Variants in IKBKB-DT observed in about 807,000 individuals in gnomAD.
IKBKB-DT encodes IKBKB divergent transcript, also known as IKBKB antisense RNA.
chr8:42,256,217 G>C (rs1200020038), intron 3 of IKBKB-DT, among the ~76,000 whole-genome samples: 4 of 151,872 alleles, frequency 2.6e-5, no homozygotes, highest in African/African-American at 9.7e-5. Flanking sequence ...AAGAAAAAAA[G>C]AGAAAAGCCA....
chr8:42,249,443 G>GTA lies in IKBKB-DT; in HGVS notation n.1529+13884_1529+13885dup, dbSNP rs1554503071. The GTA allele has an allele frequency of 5.6e-3, 838 of 150,324 alleles. 4 individuals carry two copies. The highest frequency in any genetic ancestry group is 0.019 in the African/African-American group (764 of 40,556). The allele number at this position is 150,324 out of a possible 1,614,324, so 9.3% of individuals were successfully genotyped here. On this transcript the variant is annotated intron_variant and non_coding_transcript_variant, in intron 3 of 3. Coordinates refer to ENST00000518213, the Ensembl canonical transcript of IKBKB-DT. ...TGTGTGTGTGTGTGTGTGTGTGTGT[G>GTA]TACATATATATATATGTTTTTTTAT... is the stretch of plus-strand genomic sequence containing the variant.
At chr8:42,252,501 G>A (rs578088388) in intron 3 of IKBKB-DT, among the ~76,000 whole-genome samples, 1 of 152,146 alleles carries the variant, frequency 6.6e-6, no homozygotes, top group East Asian at 1.9e-4. Flanking sequence ...TAATAGCTGG[G>A]ACTACCGGTG....
rs1258233197 is a variant in IKBKB-DT at position 42,256,209 on chromosome 8, GA to G, written n.1529+7119del. 2.6e-5 allele frequency among the ~76,000 whole-genome samples: 4 copies of G among 151,856 alleles called. No homozygotes were observed. The East Asian group carries it at 7.7e-4, about 29-fold the overall frequency. The stretch of plus-strand genomic sequence containing the variant: ...TTGCTGTAAATTTTAGTTAGCTTAA[GA>G]AAAAAAGAGAAAAGCCATTAAAGAC... On this transcript the variant is annotated intron_variant and non_coding_transcript_variant, in intron 3 of 3. Transcript: ENST00000518213.
chr8:42,240,960 G>A (rs1194042471), intron 3 of IKBKB-DT, among the ~76,000 whole-genome samples: 1 of 151,980 alleles, frequency 6.6e-6, no homozygotes, highest in African/African-American at 2.4e-5. Context: ...GGGCAACATA[G>A]CAAGACTCCG....
At chr8:42,256,514 G>C (rs983780214) in intron 3 of IKBKB-DT, among the ~76,000 whole-genome samples, 1 of 152,126 alleles carries the variant, frequency 6.6e-6, no homozygotes, top group Non-Finnish European at 1.5e-5. Context: ...AGAGGTGGCA[G>C]TGAGCCAAGA....
At chr8:42,245,290 A>C (rs1206328652) in intron 3 of IKBKB-DT, among the ~76,000 whole-genome samples, 2 of 152,084 alleles carry the variant, frequency 1.3e-5, no homozygotes, top group Non-Finnish European at 2.9e-5. Flanking sequence ...AATAAAAGAA[A>C]TTCTAGTTTG....
chr8:42,245,313 G>A (rs1314964358), intron 3 of IKBKB-DT, among the ~76,000 whole-genome samples: 1 of 152,068 alleles, frequency 6.6e-6, no homozygotes, highest in Non-Finnish European at 1.5e-5. Context: ...GATTCTTTAC[G>A]TGTTGGGAAT....
At chr8:42,234,108 G>A (rs1470773359) in intron 3 of IKBKB-DT, among the ~76,000 whole-genome samples, 1 of 152,214 alleles carries the variant, frequency 6.6e-6, no homozygotes, top group African/African-American at 2.4e-5. Flanking sequence ...TATCGTCTTT[G>A]TTTTAAACCA....
At chr8:42,239,723 G>C (rs1233661433) in intron 3 of IKBKB-DT, among the ~76,000 whole-genome samples, 1 of 146,704 alleles carries the variant, frequency 6.8e-6, no homozygotes, top group African/African-American at 2.5e-5. Context: ...TTGGCTCACT[G>C]TAACCTCTGC....
At chr8:42,249,664 T>C (rs957273732) in intron 3 of IKBKB-DT, among the ~76,000 whole-genome samples, 10 of 151,446 alleles carry the variant, frequency 6.6e-5, no homozygotes, top group Non-Finnish European at 1.5e-5. Context: ...AACATCCCTG[T>C]GGCCAGGGAC....
intron 1 of IKBKB-DT, among the ~76,000 whole-genome samples, chr8:42,269,842 C>G (rs1201931012): frequency 6.6e-6 from 1 of 152,066 alleles, no homozygotes; most frequent in East Asian, 1.9e-4. Context: ...GGGTGGCCTC[C>G]TTTCTATGAC....
At chr8:42,238,900 C>A (rs1292139029) in intron 3 of IKBKB-DT, among the ~76,000 whole-genome samples, 3 of 152,162 alleles carry the variant, frequency 2.0e-5, no homozygotes, top group African/African-American at 7.2e-5. Flanking sequence ...CCTCTGAATT[C>A]TTCAGGAGAC....
At chr8:42,236,948 G>A (rs1275774450) in intron 3 of IKBKB-DT, among the ~76,000 whole-genome samples, 1 of 152,030 alleles carries the variant, frequency 6.6e-6, no homozygotes, top group Non-Finnish European at 1.5e-5. Flanking sequence ...TTGAGCTCTT[G>A]AGTTCAAGTA....
At chr8:42,262,454 AT>A (rs994394534) in intron 3 of IKBKB-DT, among the ~76,000 whole-genome samples, 1 of 151,668 alleles carries the variant, frequency 6.6e-6, no homozygotes, top group Non-Finnish European at 1.5e-5. Flanking sequence ...TTATTTATTT[AT>A]TTAAGACAGA....
At chr8:42,266,989 GTTTGTTTTTTT>G (rs1238926983) in intron 1 of IKBKB-DT, among the ~76,000 whole-genome samples, 17 of 143,920 alleles carry the variant, frequency 1.2e-4, no homozygotes, top group African/African-American at 2.1e-4. Context: ...TTCTTTTTTT[GTTTGTTTTTTT>G]TTTGTTTTTT....
At chr8:42,262,588 C>T (rs556978881) in intron 3 of IKBKB-DT, among the ~76,000 whole-genome samples, 27 of 151,974 alleles carry the variant, frequency 1.8e-4, no homozygotes, top group Non-Finnish European at 2.8e-4. Flanking sequence ...TACAGGCACC[C>T]GCCACCACAC....
chr8:42,240,498 G>A (rs556479963), intron 3 of IKBKB-DT, among the ~76,000 whole-genome samples: 5 of 151,550 alleles, frequency 3.3e-5, no homozygotes, highest in East Asian at 1.9e-4. Flanking sequence ...GGTGGTGGAC[G>A]CCTGTAGTCC....
In IKBKB-DT at chr8:42,244,522, A is replaced by C. The variant is rs934633051; in HGVS notation, n.1530-10663T>G. Among the ~76,000 whole-genome samples the C allele has an allele frequency of 3.3e-5, 5 of 152,216 alleles. No homozygotes were observed. The East Asian group carries it at 9.7e-4, about 29-fold the overall frequency. On this transcript the variant is annotated intron_variant and non_coding_transcript_variant, in intron 3 of 3. Transcript: ENST00000518213. ...TCTTCCTTAAGGTATTCCTGTGCTG[A>C]TTAATAATAATTTGAAAAAGCAATT... is the stretch of plus-strand genomic sequence containing the variant.
intron 3 of IKBKB-DT, among the ~76,000 whole-genome samples, chr8:42,238,435 C>G (rs77916345): frequency 6.6e-6 from 1 of 152,184 alleles, no homozygotes; most frequent in South Asian, 2.1e-4. Flanking sequence ...AACTGACCCC[C>G]TCCTTGTTCA....
Sources: allele counts gnomAD v4.1 joint callset (sites outside exome capture counted in the v4.1 genomes callset), GRCh38; gene constraint gnomAD v4.1.1; transcripts MANE v1.5; gene names NCBI Gene and HGNC (gene_info 2026-07-23, HGNC 2026-07-21).